Variants in EXT1 observed in about 807,000 individuals in gnomAD.
EXT1 encodes exostosin-1.
EXT1 carries 20 observed loss-of-function variants against 82.5 expected under a neutral mutation model. The ratio of observed to expected loss-of-function variants is 0.24; its 90% CI spans 0.17 to 0.35. The LOEUF (loss-of-function observed/expected upper bound fraction) is 0.35, where lower values mean the gene tolerates loss of function less well. EXT1 is among the 10% of genes least tolerant of loss of function. The pLI is 1.00. For missense variants in EXT1, 757 were observed against 936.5 expected, an observed-to-expected ratio of 0.81 and a Z score of 2.50; for synonymous variants, 348 against 350.8, an observed-to-expected ratio of 0.99 and a Z score of 0.09.
At chr8:118,027,955 C>T (rs1816233406) in intron 1 of EXT1, among the ~76,000 whole-genome samples, 1 of 152,162 alleles carries the variant, frequency 6.6e-6, no homozygotes, top group Non-Finnish European at 1.5e-5. Context: ...TGATGCTTGA[C>T]CTTACTTTCC....
chr8:118,054,861 G>A (rs1340221730), intron 1 of EXT1, among the ~76,000 whole-genome samples: 2 of 152,004 alleles, frequency 1.3e-5, no homozygotes, highest in African/African-American at 2.4e-5. Flanking sequence ...TTCCGAGGCC[G>A]CTCTGAGAGT....
intron 1 of EXT1, among the ~76,000 whole-genome samples, chr8:117,895,345 G>A (rs934549840): frequency 3.3e-5 from 5 of 152,158 alleles, no homozygotes; most frequent in African/African-American, 1.2e-4. Flanking sequence ...TGCAATAACT[G>A]CTACACTTTA....
intron 1 of EXT1, among the ~76,000 whole-genome samples, chr8:118,013,097 C>A (rs1815935176): frequency 6.6e-6 from 1 of 151,964 alleles, no homozygotes; most frequent in South Asian, 2.1e-4. Flanking sequence ...TACAGTGGCA[C>A]AATCACAGCT....
chr8:117,956,113 T>TG (rs559283730), intron 1 of EXT1, among the ~76,000 whole-genome samples: 55 of 151,800 alleles, frequency 3.6e-4, no homozygotes, highest in African/African-American at 1.2e-3. Flanking sequence ...GCATTATTAA[T>TG]GAATGACAAC....
chr8:117,806,846 G>A (rs1823245908), intron 9 of EXT1, among the ~76,000 whole-genome samples: 1 of 152,164 alleles, frequency 6.6e-6, no homozygotes, highest in South Asian at 2.1e-4. Flanking sequence ...ACCTGCATTG[G>A]CAAGGAATTT....
intron 1 of EXT1, among the ~76,000 whole-genome samples, chr8:117,972,253 A>G (rs996753634): frequency 6.6e-6 from 1 of 152,120 alleles, no homozygotes; most frequent in African/African-American, 2.4e-5. Flanking sequence ...GTGCAGTCAA[A>G]GGATCCACTG....
chr8:118,018,274 T>C (rs1201835220), intron 1 of EXT1, among the ~76,000 whole-genome samples: 1 of 152,080 alleles, frequency 6.6e-6, no homozygotes, highest in African/African-American at 2.4e-5. Context: ...CCAATATGAA[T>C]GGTGTCCTTA....
chr8:117,950,960 A>C (rs1814480149), intron 1 of EXT1, among the ~76,000 whole-genome samples: 1 of 152,242 alleles, frequency 6.6e-6, no homozygotes, highest in Admixed American at 6.5e-5. Flanking sequence ...AAAGAGGCAA[A>C]TTATATTTTG....
chr8:117,866,701 G>C (rs370283867), intron 1 of EXT1, among the ~76,000 whole-genome samples: 2 of 145,088 alleles, frequency 1.4e-5, no homozygotes, highest in South Asian at 4.4e-4. Flanking sequence ...TCTGTGAGCT[G>C]TTAGAAGTTT....
At chr8:118,091,797 A>G (rs922283250) in intron 1 of EXT1, among the ~76,000 whole-genome samples, 19 of 117,120 alleles carry the variant, frequency 1.6e-4, no homozygotes, top group African/African-American at 4.7e-4. Context: ...CTCTATATAT[A>G]TATGTATCTT....
chr8:117,986,945 C>T (rs1296509910), intron 1 of EXT1, among the ~76,000 whole-genome samples: 2 of 152,204 alleles, frequency 1.3e-5, no homozygotes, highest in Non-Finnish European at 2.9e-5. Flanking sequence ...GCAAACCAAA[C>T]TAGTTTCAGA....
chr8:117,835,665 C>T, intron 2 of EXT1, 114 bp from the exon 3 acceptor site: 1 of 783,892 alleles, frequency 1.3e-6, no homozygotes, highest in South Asian at 1.4e-5. Context: ...CTGCATGAAT[C>T]CTGGACTGCC....
chr8:118,039,565 A>T lies in EXT1; in HGVS notation c.962+70520T>A, dbSNP rs1310848808. 7.9e-4 allele frequency among the ~76,000 whole-genome samples: 116 copies of T among 147,576 alleles called. 1 individual carries two copies. The highest frequency in any genetic ancestry group is 2.7e-3 in the African/African-American group (109 of 41,030). ...AGAGAGAGACTCCGTCACAAAAAAA[A>T]AAAAAAAAAAAAAAAATAAGATCCA... On this transcript the variant is annotated intron_variant, in intron 1 of 10. Coordinates refer to ENST00000378204, the MANE Select transcript of EXT1 (RefSeq NM_000127.3).
intron 1 of EXT1, among the ~76,000 whole-genome samples, chr8:118,027,761 G>T (rs1816230670): frequency 6.6e-6 from 1 of 152,140 alleles, no homozygotes. Context: ...TGCATTATGA[G>T]CACTAGAATT....
intron 1 of EXT1, among the ~76,000 whole-genome samples, chr8:118,086,463 A>AT (rs1817421272): frequency 9.2e-5 from 14 of 152,232 alleles, no homozygotes; most frequent in Admixed American, 9.2e-4. Context: ...GCACATCCAC[A>AT]GACTTCCTCT....
intron 1 of EXT1, among the ~76,000 whole-genome samples, chr8:117,980,847 T>G (rs563400304): frequency 1.8e-4 from 28 of 151,928 alleles, no homozygotes; most frequent in Non-Finnish European, 3.5e-4. Flanking sequence ...CAAGCCGCAG[T>G]CCCCGGCCAC....
chr8:118,059,680 T>C (rs879735871), intron 1 of EXT1, among the ~76,000 whole-genome samples: 3 of 152,234 alleles, frequency 2.0e-5, no homozygotes, highest in Non-Finnish European at 2.9e-5. Context: ...ACGCAAGAAC[T>C]TCTGGTGAAA....
intron 1 of EXT1, among the ~76,000 whole-genome samples, chr8:117,892,346 G>C (rs549751484): frequency 6.6e-6 from 1 of 152,348 alleles, no homozygotes; most frequent in African/African-American, 2.4e-5. Flanking sequence ...CATATGACAT[G>C]AGGATTCTTG....
At chr8:117,872,098 C>T (rs1434525596) in intron 1 of EXT1, among the ~76,000 whole-genome samples, 1 of 145,480 alleles carries the variant, frequency 6.9e-6, no homozygotes, top group Admixed American at 6.8e-5. Context: ...TATATCACAC[C>T]ACTACACTGC....
Sources: allele counts gnomAD v4.1 joint callset (sites outside exome capture counted in the v4.1 genomes callset), GRCh38; gene constraint gnomAD v4.1.1; transcripts MANE v1.5; gene names NCBI Gene and HGNC (gene_info 2026-07-23, HGNC 2026-07-21).